Variants in LRRC4C observed in about 807,000 individuals in gnomAD.
LRRC4C encodes leucine-rich repeat-containing protein 4C.
In LRRC4C, 5 loss-of-function variants were observed where a neutral mutation model predicts 33.6. The ratio of observed to expected loss-of-function variants is 0.15; its 90% CI spans 0.08 to 0.31. LRRC4C has a LOEUF of 0.31. Among genes scored for constraint, LRRC4C ranks in the 10% least tolerant of loss-of-function variants. LRRC4C has a pLI of 1.00. For synonymous variants in LRRC4C, 329 were observed against 302.0 expected, an observed-to-expected ratio of 1.09 and a Z score of -0.93; for missense variants, 560 against 796.7, an observed-to-expected ratio of 0.70 and a Z score of 3.58.
At chr11:41,087,868 A>G (rs1476942599) in intron 1 of LRRC4C, among the ~76,000 whole-genome samples, 1 of 152,180 alleles carries the variant, frequency 6.6e-6, no homozygotes, top group Non-Finnish European at 1.5e-5. Context: ...ATAAGTCTTT[A>G]GTAAATATTA....
chr11:40,387,938 A>G (rs1308676895), intron 3 of LRRC4C, among the ~76,000 whole-genome samples: 1 of 152,124 alleles, frequency 6.6e-6, no homozygotes, highest in Non-Finnish European at 1.5e-5. Flanking sequence ...CAAACATTCC[A>G]TCTTATTTTA....
At chr11:40,469,447 T>G (rs1590836378) in intron 3 of LRRC4C, among the ~76,000 whole-genome samples, 2 of 152,096 alleles carry the variant, frequency 1.3e-5, no homozygotes, top group South Asian at 2.1e-4. Flanking sequence ...AGCACCAAAC[T>G]GGGCAGCCAT....
intron 1 of LRRC4C, among the ~76,000 whole-genome samples, chr11:41,285,300 C>T (rs1033282433): frequency 5.3e-5 from 8 of 152,084 alleles, no homozygotes; most frequent in African/African-American, 1.2e-4. Context: ...TATTTCTTCA[C>T]GTATAAAACT....
At chr11:40,523,665 A>G (rs2135249027) in intron 3 of LRRC4C, among the ~76,000 whole-genome samples, 1 of 151,558 alleles carries the variant, frequency 6.6e-6, no homozygotes, top group East Asian at 1.9e-4. Flanking sequence ...TTGGGTTTCC[A>G]TAAGGAGAGG....
chr11:40,715,189 A>G (rs940450074), intron 2 of LRRC4C, among the ~76,000 whole-genome samples: 2 of 152,236 alleles, frequency 1.3e-5, no homozygotes, highest in Non-Finnish European at 2.9e-5. Flanking sequence ...ATTTTCCAAA[A>G]TAAAGAGACC....
intron 2 of LRRC4C, among the ~76,000 whole-genome samples, chr11:40,793,080 T>C (rs1950691160): frequency 6.6e-6 from 1 of 152,044 alleles, no homozygotes; most frequent in South Asian, 2.1e-4. Context: ...GGCACATGTA[T>C]ACATATGTAA....
intron 2 of LRRC4C, among the ~76,000 whole-genome samples, chr11:40,761,268 T>C (rs1949198073): frequency 6.6e-6 from 1 of 152,114 alleles, no homozygotes; most frequent in African/African-American, 2.4e-5. Context: ...TGTATCATCA[T>C]CTTAAAATTG....
intron 3 of LRRC4C, among the ~76,000 whole-genome samples, chr11:40,469,416 C>G (rs1270939840): frequency 6.6e-6 from 1 of 152,152 alleles, no homozygotes. Context: ...GGTGACTATA[C>G]CACCAGGGCC....
In LRRC4C at chr11:40,586,517, G is replaced by A. The variant is rs551297435; in HGVS notation, c.-270+61625C>T. Among the ~76,000 whole-genome samples, 4 of 149,074 alleles carry A rather than the reference G, an allele frequency of 2.7e-5. No individual in the cohort carries two copies. In the East Asian group the frequency reaches 7.8e-4, roughly 29 times the overall value. ...GTCAATTTTCTCTTTTGTTGCCATTGATTTTGGTGTTTTAGACATGAAGTC... is the reference window on the plus strand; with the variant it reads ...GTCAATTTTCTCTTTTGTTGCCATTAATTTTGGTGTTTTAGACATGAAGTC... On this transcript the variant is annotated intron_variant, in intron 3 of 6. Coordinates refer to ENST00000528697, the MANE Select transcript of LRRC4C (RefSeq NM_001258419.2).
intron 2 of LRRC4C, among the ~76,000 whole-genome samples, chr11:40,710,495 C>T (rs955012435): frequency 1.3e-5 from 2 of 152,048 alleles, no homozygotes; most frequent in African/African-American, 4.8e-5. Context: ...CACTCCAGCC[C>T]CTGTTTGCCT....
At chr11:40,875,822 A>G (rs555580746) in intron 2 of LRRC4C, among the ~76,000 whole-genome samples, 25 of 152,208 alleles carry the variant, frequency 1.6e-4, no homozygotes, top group African/African-American at 5.3e-4. Context: ...CTTTATTTCT[A>G]TTATTATCAC....
Position 40,916,436 on chromosome 11 carries a change from C to A in LRRC4C, c.-407+17199G>T, listed in dbSNP as rs565620716. 3.9e-5 allele frequency among the ~76,000 whole-genome samples: 6 copies of A among 152,202 alleles called. No homozygotes were observed. In the South Asian group the frequency reaches 1.2e-3, roughly 32 times the overall value. ...GCTGGAACCCATCATTCTCAGCAAA[C>A]TATCGCAAGGACAAAAAACCAAACA... On this transcript the variant is annotated intron_variant, in intron 2 of 6. Transcript: ENST00000528697.
intron 3 of LRRC4C, among the ~76,000 whole-genome samples, chr11:40,504,804 G>C (rs1236452793): frequency 6.6e-6 from 1 of 152,102 alleles, no homozygotes; most frequent in Admixed American, 6.5e-5. Flanking sequence ...AGCGGAGGCT[G>C]TCTCTTTCCC....
chr11:40,306,933 G>T (rs367632141), intron 4 of LRRC4C, among the ~76,000 whole-genome samples: 1 of 105,384 alleles, frequency 9.5e-6, no homozygotes, highest in Non-Finnish European at 2.4e-5. Context: ...ACCTCACAAG[G>T]TTATCTGGTT....
At chr11:40,760,641 C>T (rs1009262725) in intron 2 of LRRC4C, among the ~76,000 whole-genome samples, 5 of 150,690 alleles carry the variant, frequency 3.3e-5, no homozygotes, top group African/African-American at 7.3e-5. Flanking sequence ...GATGGGGTCT[C>T]ACTCTGTCAC....
intron 4 of LRRC4C, among the ~76,000 whole-genome samples, chr11:40,268,019 T>C (rs1942409808): frequency 6.6e-6 from 1 of 152,090 alleles, no homozygotes; most frequent in South Asian, 2.1e-4. Context: ...AGTCAATGGG[T>C]GGAAGGAAAA....
intron 1 of LRRC4C, among the ~76,000 whole-genome samples, chr11:40,980,931 G>C (rs946590592): frequency 2.0e-5 from 3 of 152,080 alleles, no homozygotes; most frequent in Non-Finnish European, 4.4e-5. Context: ...CACATATCAG[G>C]CTCTACAAAT....
intron 2 of LRRC4C, among the ~76,000 whole-genome samples, chr11:40,785,085 A>G (rs1057341507): frequency 3.3e-5 from 5 of 151,810 alleles, no homozygotes; most frequent in African/African-American, 9.7e-5. Context: ...AATTTAGTGA[A>G]ATCAGCTACA....
chr11:40,637,961 A>T (rs1349947872), intron 3 of LRRC4C, among the ~76,000 whole-genome samples: 6 of 152,148 alleles, frequency 3.9e-5, no homozygotes, highest in African/African-American at 1.4e-4. Flanking sequence ...CTCCCACATC[A>T]GGGCCTCCCC....
Sources: allele counts gnomAD v4.1 joint callset (sites outside exome capture counted in the v4.1 genomes callset), GRCh38; gene constraint gnomAD v4.1.1; transcripts MANE v1.5; gene names NCBI Gene and HGNC (gene_info 2026-07-23, HGNC 2026-07-21).